Variants in TRIM36 observed in about 807,000 individuals in gnomAD.
The protein encoded by TRIM36 is E3 ubiquitin-protein ligase TRIM36.
Under a neutral mutation model 72.4 loss-of-function variants are expected in TRIM36, and 42 were observed. The observed-to-expected ratio is 0.58, with a 90% CI of 0.45 to 0.75. The LOEUF is 0.75. Among genes scored for constraint, TRIM36 ranks in the 30% least tolerant of loss-of-function variants. The pLI, the probability that TRIM36 is intolerant of heterozygous loss-of-function variation, is 0.00. For synonymous variants in TRIM36, 315 were observed against 282.8 expected (o/e 1.11, Z -1.14); for missense variants, 913 against 857.1 (o/e 1.07, Z -0.81).
Position 115,163,663 on chromosome 5 carries a change from A to C in TRIM36, c.117T>G (p.Ser39Arg). 1 of 1,614,162 alleles carries C rather than the reference A, an allele frequency of 6.2e-7. No individual in the cohort carries two copies. Among genetic ancestry groups the C allele is most frequent in the Non-Finnish European group, 8.5e-7 (1 of 1,180,026 alleles). ...THPLILPCQH[S>R]ICHKCVKELL... ...GTTCTTTTACACATTTATGACAGAT[A>C]CTATGTTGGCAAGGGAGAATCAATG... Residue 39 changes from serine (S) to arginine (R), a missense_variant, in exon 2 of 10, where the codon AGT becomes AGG. By Grantham distance (110) the Ser-to-Arg change is moderately radical. Transcript: ENST00000513154.
chr5:115,127,843 G>A (rs1752436337), intron 9 of TRIM36, among the ~76,000 whole-genome samples: 1 of 152,036 alleles, frequency 6.6e-6, no homozygotes, highest in African/African-American at 2.4e-5. Context: ...GCCTCAGGCA[G>A]GCCCTTTAAG....
intron 9 of TRIM36, 87 bp downstream of exon 9, chr5:115,130,505 T>A (rs1351159345): frequency 7.0e-7 from 1 of 1,424,926 alleles, no homozygotes; most frequent in Non-Finnish European, 9.5e-7. Flanking sequence ...AAATAAGAAA[T>A]GTATACTCCA....
At chr5:115,139,519 G>C (rs140996178) in intron 5 of TRIM36, among the ~76,000 whole-genome samples, 13 of 152,314 alleles carry the variant, frequency 8.5e-5, no homozygotes, top group African/African-American at 2.6e-4. Flanking sequence ...ATTTTTTCCA[G>C]ATCTCCTGTT....
Position 115,147,234 on chromosome 5 carries a change from T to C in TRIM36, c.423A>G (p.Thr141=). Residue 141 remains threonine (T), a synonymous_variant, in exon 3 of 10, where the codon ACA becomes ACG. Transcript: ENST00000513154. ...ERYRQAARAA[T]AIMCDLCKPP... is the part of the protein sequence containing the mutation. ...GTTTACAAAGGTCACACATAATGGC[T>C]GTGGCTGCCCTAGCTGCTTGACGAT... 6.2e-7 allele frequency: 1 copy of C among 1,614,188 alleles called. No homozygotes were observed. Among genetic ancestry groups the C allele is most frequent in the Non-Finnish European group, 8.5e-7 (1 of 1,180,042 alleles).
At chr5:115,180,217 A>C, upstream of TRIM36, 1 of 572,800 alleles carries the variant, frequency 1.7e-6, no homozygotes, top group Non-Finnish European at 3.0e-6. Context: ...AATGAAGGCC[A>C]TCGAGGGCTC....
At chr5:115,172,070 T>G (rs553662444), upstream of TRIM36, among the ~76,000 whole-genome samples, 232 of 152,332 alleles carry the variant, frequency 1.5e-3, 3 homozygotes, top group African/African-American at 5.2e-3. Flanking sequence ...TTTTTGAATA[T>G]TTTTGTGCCT....
intron 4 of TRIM36, among the ~76,000 whole-genome samples, chr5:115,143,222 CAAAAAAAAAAAA>C (rs59083853): frequency 2.6e-4 from 15 of 57,486 alleles, no homozygotes; most frequent in African/African-American, 4.8e-4. Flanking sequence ...ACCAGCCAGA[CAAAAAAAAAAAA>C]AAAAAAAAAA....
intron 8 of TRIM36, among the ~76,000 whole-genome samples, chr5:115,131,669 T>C (rs1033844807): frequency 6.6e-6 from 1 of 152,226 alleles, no homozygotes; most frequent in African/African-American, 2.4e-5. Context: ...ACAACATGGA[T>C]AAATTTGGAT....
chr5:115,140,635 C>A (rs1225442557), intron 5 of TRIM36, among the ~76,000 whole-genome samples: 1 of 152,114 alleles, frequency 6.6e-6, no homozygotes, highest in Non-Finnish European at 1.5e-5. Flanking sequence ...TTTTTTGGTA[C>A]TTTTTAGAAA....
rs780732526 is a variant in TRIM36 at position 115,137,594 on chromosome 5, T to A, written c.854A>T (p.Glu285Val). ...ETECNGERAK[E>V]EAITHFEKLF... ...CTTTTCAAAATGTGTAATTGCTTCT[T>A]CTTTAGCCCTCTCTCCATTACACTA... The change falls in exon 6 of 10, where the codon GAA becomes GTA. Residue 285 changes from glutamate to valine, a missense_variant. Transcript: ENST00000513154. The A allele has an allele frequency of 2.5e-6, 4 of 1,609,770 alleles. No individual in the cohort carries two copies. The South Asian group carries it at 4.4e-5, about 18-fold the overall frequency.
chr5:115,130,989 G>A (rs1321117658), intron 8 of TRIM36, 100 bp from the exon 9 acceptor site: 2 of 1,354,754 alleles, frequency 1.5e-6, no homozygotes, highest in African/African-American at 1.5e-5. Flanking sequence ...AGAGAGACAG[G>A]AAGCGGGAAG....
intron 2 of TRIM36, chr5:115,159,599 C>T (rs1237942401): frequency 4.4e-6 from 2 of 449,870 alleles, no homozygotes; most frequent in East Asian, 1.4e-4. Flanking sequence ...AAATCTAACA[C>T]TATATTGCCT....
intron 2 of TRIM36, among the ~76,000 whole-genome samples, chr5:115,154,505 C>T (rs111437451): frequency 0.28 from 43,268 of 151,952 alleles, 6,265 homozygotes; most frequent in Middle Eastern, 0.31. Flanking sequence ...TCAGGAGATA[C>T]TACAACTGAC....
At chr5:115,144,123 C>T (rs1334213032) in intron 4 of TRIM36, among the ~76,000 whole-genome samples, 2 of 152,078 alleles carry the variant, frequency 1.3e-5, no homozygotes, top group African/African-American at 2.4e-5. Flanking sequence ...ATCCGCCCGC[C>T]TCGGCCTCCC....
upstream of TRIM36, among the ~76,000 whole-genome samples, chr5:115,172,347 T>C (rs1421737142): frequency 1.3e-5 from 2 of 152,230 alleles, no homozygotes; most frequent in African/African-American, 4.8e-5. Flanking sequence ...AAAGAGCTTA[T>C]TGAGACCTTA....
chr5:115,179,653 G>T (rs916000021), intron 1 of TRIM36, among the ~76,000 whole-genome samples: 1 of 152,228 alleles, frequency 6.6e-6, no homozygotes, highest in East Asian at 1.9e-4. Context: ...GCGCCCCCTT[G>T]GCCAACGCCC....
chr5:115,141,296 A>G lies in TRIM36; in HGVS notation c.814T>C (p.Leu272=). The change falls in exon 5 of 10, where the codon TTA becomes CTA. Residue 272 remains leucine, a synonymous_variant. Coordinates refer to ENST00000513154, the MANE Select transcript of TRIM36 (RefSeq NM_001300759.2). ...TCACTTACCTCTGTTTCTTTCATTA[A>G]CAAGTTTAGTTCAGATATTTGACTC... ...VKSQISELNL[L]MKETECNGER... 2 of 1,600,444 alleles carry G rather than the reference A, an allele frequency of 1.2e-6. No individual in the cohort carries two copies. Among genetic ancestry groups the G allele is most frequent in the Non-Finnish European group, 1.7e-6 (2 of 1,175,914 alleles).
intron 7 of TRIM36, among the ~76,000 whole-genome samples, chr5:115,135,479 T>TAAAAA (rs11409468): frequency 7.0e-6 from 1 of 143,330 alleles, no homozygotes. Context: ...CATAGCTTAC[T>TAAAAA]AAAAAAAAAA....
In TRIM36 at chr5:115,126,678, T is replaced by C. The variant is rs1249946017; in HGVS notation, c.1976A>G (p.Asp659Gly). 1 of 1,614,040 alleles carries C rather than the reference T, an allele frequency of 6.2e-7. No homozygotes were observed. Among genetic ancestry groups the C allele is most frequent in the African/African-American group, 1.3e-5 (1 of 74,930 alleles). The change falls in exon 10 of 10, where the codon GAC becomes GGC. Residue 659 changes from aspartate (D) to glycine (G), a missense_variant. Asp to Gly is a moderately conservative substitution (Grantham distance 94). Coordinates refer to ENST00000513154, the MANE Select transcript of TRIM36 (RefSeq NM_001300759.2). Reference sequence around the variant, plus strand: ...GAAATCTACTTTGCCTTTATCACAGTCAAGGAAAATCCCAATACTTGTTGG... The same window carrying C: ...GAAATCTACTTTGCCTTTATCACAGCCAAGGAAAATCCCAATACTTGTTGG... ...PMPTSIGIFL[D>G]CDKGKVDFYD...
Sources: gnomAD v4.1 joint callset for allele counts (sites outside exome capture counted in the v4.1 genomes callset) on GRCh38, gnomAD v4.1.1 for gene constraint, MANE v1.5 for transcripts, NCBI Gene and HGNC (gene_info 2026-07-23, HGNC 2026-07-21) for gene names.